Variants in CCDC117 observed in about 807,000 individuals in gnomAD.
CCDC117 encodes the protein coiled-coil domain containing 117.
A neutral mutation model predicts 23.5 loss-of-function variants in CCDC117; 1 was observed. The observed-to-expected ratio is 0.04, with a 90% CI of 0.02 to 0.20. The LOEUF is 0.20. Among genes scored for constraint, CCDC117 ranks in the 10% least tolerant of loss-of-function variants. The probability of loss-of-function intolerance (pLI) is 1.00; values close to 1 mark genes in which losing one functional copy is unlikely to be tolerated. For synonymous variants in CCDC117, 132 were observed against 124.8 expected (o/e 1.06, Z -0.39); for missense variants, 383 against 348.2 (o/e 1.10, Z -0.80).
chr22:28,773,776 TGAG>T lies in CCDC117; in HGVS notation c.238_239+1del, dbSNP rs1214809607. The T allele has an allele frequency of 6.2e-7, 1 of 1,612,918 alleles. No individual in the cohort carries two copies. Among genetic ancestry groups the T allele is most frequent in the Non-Finnish European group, 8.5e-7 (1 of 1,178,944 alleles). The stretch of plus-strand genomic sequence containing the variant: ...ACAAGCGAGAGGAGGAGGAGGATGA[TGAG>T]TAAGTTTCAGTGGTTGTTTATTCAC... On this transcript the variant is annotated splice_donor_variant and coding_sequence_variant, in exon 2 of 5. Coordinates refer to ENST00000249064, the MANE Select transcript of CCDC117 (RefSeq NM_173510.4). LOFTEE classifies it high-confidence loss of function.
At chr22:28,774,233 A>ATT (rs1187123889) in intron 2 of CCDC117, among the ~76,000 whole-genome samples, 3 of 140,688 alleles carry the variant, frequency 2.1e-5, no homozygotes, top group Non-Finnish European at 3.1e-5. Context: ...ACGCCTGGCA[A>ATT]TTTTTTTTTT....
rs1414705931 is a variant in CCDC117, at chr22:28,781,068, T to G, written c.360T>G (p.Leu120=). ...GAGTAAATCCCAGTGTTAGTGGCCT[T>G]TCCATACCTGGGATATTAGATGTTA... ...GHGVNPSVSG[L]SIPGILDVIC... Residue 120 remains leucine, a synonymous_variant, in exon 3 of 5, where the codon CTT becomes CTG. Coordinates refer to ENST00000249064, the MANE Select transcript of CCDC117 (RefSeq NM_173510.4). 11 of 1,613,946 alleles carry G rather than the reference T, an allele frequency of 6.8e-6. No individual in the cohort carries two copies. The highest frequency in any genetic ancestry group is 7.6e-6 in the Non-Finnish European group (9 of 1,179,824).
chr22:28,783,425 T>C, intron 3 of CCDC117, 83 bp from the exon 4 acceptor site: 5 of 1,373,294 alleles, frequency 3.6e-6, no homozygotes, highest in Non-Finnish European at 5.0e-6. Context: ...CCTTTTTTAT[T>C]TTTAAAATTT....
chr22:28,784,770 T>C (rs1043479425), intron 4 of CCDC117, among the ~76,000 whole-genome samples: 4 of 152,162 alleles, frequency 2.6e-5, no homozygotes, highest in Non-Finnish European at 5.9e-5. Flanking sequence ...ATCTCGTTTT[T>C]TTTGTTGTTG....
intron 2 of CCDC117, among the ~76,000 whole-genome samples, chr22:28,778,094 C>G (rs2031222645): frequency 2.0e-5 from 3 of 152,102 alleles, no homozygotes; most frequent in South Asian, 4.1e-4. Context: ...ATCCGCCCGC[C>G]TCGGCCTCCC....
intron 2 of CCDC117, among the ~76,000 whole-genome samples, chr22:28,774,405 C>T (rs1483828386): frequency 7.0e-6 from 1 of 143,608 alleles, no homozygotes; most frequent in Non-Finnish European, 1.5e-5. Flanking sequence ...GTCAGGGGCT[C>T]TGTCACCCAA....
Position 28,781,100 on chromosome 22 carries a change from A to T in CCDC117, c.392A>T (p.Glu131Val), listed in dbSNP as rs777209529. The T allele has an allele frequency of 2.5e-6, 4 of 1,614,016 alleles. No homozygotes were observed. Among genetic ancestry groups the T allele is most frequent in the Non-Finnish European group, 3.4e-6 (4 of 1,179,994 alleles). ...SIPGILDVIC[E>V]EMDQTTGEPQ... is the part of the protein sequence containing the mutation. The stretch of plus-strand genomic sequence containing the variant: ...CCTGGGATATTAGATGTTATTTGTG[A>T]AGAAATGGATCAGACAACTGGAGAA... The change falls in exon 3 of 5, where the codon GAA becomes GTA. Residue 131 changes from glutamate to valine, a missense_variant. Physicochemically the swap from Glu to Val is moderately radical, Grantham distance 121. Transcript: ENST00000249064.
chr22:28,782,659 G>A (rs1418773099), intron 3 of CCDC117, among the ~76,000 whole-genome samples: 2 of 152,108 alleles, frequency 1.3e-5, no homozygotes, highest in East Asian at 3.9e-4. Context: ...GGCTGGTCTC[G>A]AACTCCGGAC....
chr22:28,786,392 T>C lies in CCDC117; in HGVS notation c.*66T>C, dbSNP rs1346856549. 13 of 1,166,254 alleles carry C rather than the reference T, an allele frequency of 1.1e-5. No homozygotes were observed. The highest frequency in any genetic ancestry group is 1.4e-5 in the Non-Finnish European group (11 of 792,770). The allele number at this position is 1,166,254 out of a possible 1,614,324, so 72.2% of individuals were successfully genotyped here. Reference sequence around the variant, plus strand: ...TCCTGTGTTCAGTTATGAGACTCTTTGCATAGTATAGGGACTTGAAAGTTT... The same window carrying C: ...TCCTGTGTTCAGTTATGAGACTCTTCGCATAGTATAGGGACTTGAAAGTTT... On this transcript the variant is annotated 3_prime_UTR_variant, in exon 5 of 5. Transcript: ENST00000249064.
intron 1 of CCDC117, 40 bp downstream of exon 1, chr22:28,773,074 C>T: frequency 2.6e-6 from 1 of 383,726 alleles, no homozygotes; most frequent in Non-Finnish European, 3.8e-6. Flanking sequence ...GGCGGGCGGG[C>T]GGGCGGGCAG....
At chr22:28,777,663 C>A (rs1006893720) in intron 2 of CCDC117, among the ~76,000 whole-genome samples, 5 of 151,760 alleles carry the variant, frequency 3.3e-5, no homozygotes, top group African/African-American at 1.2e-4. Flanking sequence ...GCTTGCACCT[C>A]CAGGCCCAGC....
In CCDC117 at chr22:28,786,483, A is replaced by G. The variant is rs1287473694; in HGVS notation, c.*157A>G. On this transcript the variant is annotated 3_prime_UTR_variant, in exon 5 of 5. Transcript: ENST00000249064. ...GGTGGGACTCTTATTTTGGGTAGCC[A>G]TTTATTGACTTCACCTTTTTGCCAA... The G allele has an allele frequency of 1.4e-5, 8 of 581,700 alleles. No homozygotes were observed. Among genetic ancestry groups the G allele is most frequent in the Non-Finnish European group, 3.0e-6 (1 of 335,004 alleles). 36.0% of individuals were successfully genotyped at this position (581,700 alleles called of 1,614,324 possible).
At chr22:28,775,277 G>A (rs1237372256) in intron 2 of CCDC117, among the ~76,000 whole-genome samples, 1 of 152,032 alleles carries the variant, frequency 6.6e-6, no homozygotes, top group Non-Finnish European at 1.5e-5. Flanking sequence ...ACAAAAGAAA[G>A]TAGTTGTGTG....
intron 2 of CCDC117, among the ~76,000 whole-genome samples, chr22:28,776,641 A>G (rs1043588936): frequency 2.7e-5 from 4 of 150,180 alleles, no homozygotes; most frequent in Non-Finnish European, 4.4e-5. Flanking sequence ...CTGGAGCGCA[A>G]TGGTGCAATC....
intron 2 of CCDC117, among the ~76,000 whole-genome samples, chr22:28,775,022 G>A (rs995574904): frequency 2.6e-5 from 4 of 152,304 alleles, no homozygotes; most frequent in African/African-American, 9.6e-5. Flanking sequence ...CCAGCACTTT[G>A]GGAGGCTGAG....
chr22:28,777,993 G>A (rs1351115677), intron 2 of CCDC117, among the ~76,000 whole-genome samples: 2 of 151,848 alleles, frequency 1.3e-5, no homozygotes, highest in East Asian at 1.9e-4. Flanking sequence ...TTACAGGTGC[G>A]TGCCACCACG....
At chr22:28,782,898 T>G (rs902609873) in intron 3 of CCDC117, among the ~76,000 whole-genome samples, 1 of 151,958 alleles carries the variant, frequency 6.6e-6, no homozygotes, top group African/African-American at 2.4e-5. Context: ...TAAAGTGAAT[T>G]CTTCTCATAG....
intron 2 of CCDC117, among the ~76,000 whole-genome samples, chr22:28,775,407 A>G (rs1009815796): frequency 3.9e-5 from 6 of 152,166 alleles, no homozygotes; most frequent in African/African-American, 1.4e-4. Flanking sequence ...AGTTCTTTGT[A>G]TATGTTTGGA....
intron 3 of CCDC117, among the ~76,000 whole-genome samples, chr22:28,781,679 C>T (rs1392109564): frequency 6.0e-5 from 9 of 149,912 alleles, no homozygotes; most frequent in African/African-American, 2.0e-4. Context: ...GAGTTTTGCT[C>T]GTTACCTAGG....
Sources: gnomAD v4.1 joint callset for allele counts (sites outside exome capture counted in the v4.1 genomes callset) on GRCh38, gnomAD v4.1.1 for gene constraint, MANE v1.5 for transcripts, NCBI Gene and HGNC (gene_info 2026-07-23, HGNC 2026-07-21) for gene names.